RAG1: variants seen among roughly 807,000 people sequenced by gnomAD.
RAG1 encodes recombination activating 1.
Under a neutral mutation model 62.7 loss-of-function variants are expected in RAG1, and 35 were observed. The ratio of observed to expected loss-of-function variants is 0.56; its 90% CI spans 0.43 to 0.74. The LOEUF (loss-of-function observed/expected upper bound fraction) is 0.74. Ranked by LOEUF, RAG1 falls within the 30% of genes least tolerant of loss-of-function variation. RAG1 has a pLI of 0.00. For missense variants in RAG1, 1,169 were observed against 1,278.6 expected, an observed-to-expected ratio of 0.91 and a Z score of 1.31; for synonymous variants, 461 against 470.3, an observed-to-expected ratio of 0.98 and a Z score of 0.26.
At chr11:36,537,925 C>G (rs1860357307), downstream of RAG1, among the ~76,000 whole-genome samples, 1 of 151,990 alleles carries the variant, frequency 6.6e-6, no homozygotes, top group Non-Finnish European at 1.5e-5. Flanking sequence ...TAGATCGTTC[C>G]TCCAGTTTGT....
In RAG1 at chr11:36,512,424, A is replaced by G. The variant is rs5030408; in HGVS notation, n.330+1386A>G. Reference sequence around the variant, plus strand: ...TATTTTAAGCCATTGAGATATTGGGATTGTCTTTTCTGCTGCATAGCTAAG... The same window carrying G: ...TATTTTAAGCCATTGAGATATTGGGGTTGTCTTTTCTGCTGCATAGCTAAG... On this transcript the variant is annotated intron_variant and non_coding_transcript_variant, in intron 1 of 2. Coordinates refer to the RAG1 transcript ENST00000529126. Among the ~76,000 whole-genome samples the G allele has an allele frequency of 4.2e-3, 643 of 152,310 alleles. 3 individuals are homozygous for G. Among genetic ancestry groups the G allele is most frequent in the African/African-American group, 0.015 (623 of 41,560 alleles).
In RAG1 at chr11:36,575,936, A is replaced by T; in HGVS notation, c.2632A>T (p.Arg878Trp). 8 of 1,614,164 alleles carry T rather than the reference A, an allele frequency of 5.0e-6. No homozygotes were observed. Among genetic ancestry groups the T allele is most frequent in the Non-Finnish European group, 6.8e-6 (8 of 1,180,026 alleles). ...AVCELIPSEE[R>W]HEALRELMDL... The stretch of plus-strand genomic sequence containing the variant: ...TTGTGAGTTAATTCCTTCCGAGGAG[A>T]GGCACGAGGCTCTGAGGGAGCTGAT... The change falls in exon 2 of 2, where the codon AGG (arginine) becomes TGG (tryptophan). Residue 878 changes from arginine to tryptophan, a missense_variant. Coordinates refer to ENST00000299440, the MANE Select transcript of RAG1 (RefSeq NM_000448.3). The surrounding 1 kb of genome is among the most constrained non-coding windows in gnomAD (Gnocchi z 4.1).
intron 2 of RAG1, among the ~76,000 whole-genome samples, chr11:36,521,109 G>A (rs1427683498): frequency 6.6e-6 from 1 of 151,890 alleles, no homozygotes; most frequent in Non-Finnish European, 1.5e-5. Flanking sequence ...ACAGGCATGT[G>A]CCACCATGCC....
At chr11:36,564,511 C>T, upstream of RAG1, among the ~76,000 whole-genome samples, 1 of 152,164 alleles carries the variant, frequency 6.6e-6, no homozygotes, top group East Asian at 1.9e-4. Flanking sequence ...TTTCTCATGG[C>T]TTTTTCTGAT....
rs1179121770 is a variant in RAG1, at chr11:36,577,214, A to G, written c.*778A>G. 6.0e-6 allele frequency: 1 copy of G among 166,898 alleles called. No individual in the cohort carries two copies. Among genetic ancestry groups the G allele is most frequent in the Non-Finnish European group, 1.5e-5 (1 of 68,114 alleles). The allele number at this position is 166,898 out of a possible 1,614,324, so 10.3% of individuals were successfully genotyped here. On this transcript the variant is annotated 3_prime_UTR_variant, in exon 2 of 2. Coordinates refer to ENST00000299440, the MANE Select transcript of RAG1 (RefSeq NM_000448.3). ...ATCTTCTGATAATATATGTTTACTTAGCTATCAGAAGCCAAGTATGATTCT... is the reference window on the plus strand; with the variant it reads ...ATCTTCTGATAATATATGTTTACTTGGCTATCAGAAGCCAAGTATGATTCT...
intron 1 of RAG1, among the ~76,000 whole-genome samples, chr11:36,519,764 G>A (rs1218604942): frequency 6.6e-6 from 1 of 152,096 alleles, no homozygotes; most frequent in Non-Finnish European, 1.5e-5. Context: ...AGGATTCTAA[G>A]ATTGAGTATT....
At chr11:36,535,251 T>G (rs1347700906) in intron 2 of RAG1, among the ~76,000 whole-genome samples, 1 of 152,170 alleles carries the variant, frequency 6.6e-6, no homozygotes, top group Non-Finnish European at 1.5e-5. Flanking sequence ...ATGTGATCAA[T>G]TTTTGTAAAT....
In RAG1 at chr11:36,574,568, G is replaced by T. The variant is rs568838996; in HGVS notation, c.1264G>T (p.Ala422Ser). The stretch of plus-strand genomic sequence containing the variant: ...GCTCAAGCTGCAAGTCAAAGCCTTT[G>T]CTGACAAAGAAGAAGGTGGAGATGT... ...RELKLQVKAF[A>S]DKEEGGDVKS... is the part of the protein sequence containing the mutation. Residue 422 changes from alanine (A) to serine (S), a missense_variant, in exon 2 of 2, where the codon GCT becomes TCT. By Grantham distance (99) the Ala-to-Ser change is moderately conservative. Transcript: ENST00000299440. 48 of 1,614,254 alleles carry T rather than the reference G, an allele frequency of 3.0e-5. 1 individual carries two copies. The South Asian group carries it at 4.3e-4, about 14-fold the overall frequency.
chr11:36,511,481 C>G (rs1192785595), intron 1 of RAG1, among the ~76,000 whole-genome samples: 1 of 152,092 alleles, frequency 6.6e-6, no homozygotes, highest in African/African-American at 2.4e-5. Flanking sequence ...ACAAATAAAC[C>G]CAAAACTAGG....
intron 1 of RAG1, among the ~76,000 whole-genome samples, chr11:36,517,593 A>G (rs973159810): frequency 6.6e-6 from 1 of 152,210 alleles, no homozygotes; most frequent in Non-Finnish European, 1.5e-5. Context: ...CACATATAGT[A>G]GGACACATAT....
chr11:36,564,593 A>G (rs918967335), upstream of RAG1, among the ~76,000 whole-genome samples: 3 of 152,380 alleles, frequency 2.0e-5, no homozygotes, highest in Admixed American at 6.5e-5. Flanking sequence ...AGCTAAAATC[A>G]GAAAGCCCGC....
At chr11:36,540,716 G>A (rs1387890203), downstream of RAG1, among the ~76,000 whole-genome samples, 3 of 152,064 alleles carry the variant, frequency 2.0e-5, no homozygotes, top group Non-Finnish European at 4.4e-5. Context: ...TCTTTTCTTC[G>A]TTTTTTAAAA....
Position 36,574,320 on chromosome 11 carries a change from A to G in RAG1, c.1016A>G (p.Asp339Gly). The G allele has an allele frequency of 6.2e-7, 1 of 1,614,150 alleles. No individual in the cohort carries two copies. The highest frequency in any genetic ancestry group is 8.5e-7 in the Non-Finnish European group (1 of 1,180,026). The change falls in exon 2 of 2, where the codon GAC becomes GGC. Residue 339 changes from aspartate (D) to glycine (G), a missense_variant. Transcript: ENST00000299440. Reference protein sequence around the residue: ...PSCRYPCFPTDLESPVKSFLS... With the variant: ...PSCRYPCFPTGLESPVKSFLS... ...TGCCGATATCCATGCTTCCCTACTG[A>G]CCTGGAGAGTCCAGTGAAGTCCTTT...
At chr11:36,539,788 T>C (rs1860387731), downstream of RAG1, among the ~76,000 whole-genome samples, 1 of 152,204 alleles carries the variant, frequency 6.6e-6, no homozygotes, top group Non-Finnish European at 1.5e-5. Flanking sequence ...CCAGTTTTTA[T>C]TACTAATATC....
At chr11:36,528,811 A>G (rs1203324043) in intron 2 of RAG1, among the ~76,000 whole-genome samples, 2 of 152,156 alleles carry the variant, frequency 1.3e-5, no homozygotes, top group Non-Finnish European at 2.9e-5. Context: ...GATAAAGGGG[A>G]TATCACCACC....
Position 36,577,280 on chromosome 11 carries a change from A to G in RAG1, c.*844A>G, listed in dbSNP as rs1184301697. ...CATTTCAAGAAATTTAGAGTTTCCA[A>G]ATTTAGAGCTTCTGCATACAGTCTT... On this transcript the variant is annotated 3_prime_UTR_variant, in exon 2 of 2. Transcript: ENST00000299440. The G allele has an allele frequency of 6.0e-6, 1 of 167,064 alleles. No individual in the cohort carries two copies. The allele number at this position is 167,064 out of a possible 1,614,324, so 10.3% of individuals were successfully genotyped here.
chr11:36,559,069 A>T (rs1334314854), intron 3 of RAG1, among the ~76,000 whole-genome samples: 1 of 152,080 alleles, frequency 6.6e-6, no homozygotes, highest in Non-Finnish European at 1.5e-5. Flanking sequence ...TCTGGGAAAG[A>T]CTTTGTTTCT....
chr11:36,511,395 A>G (rs1234109472), intron 1 of RAG1, among the ~76,000 whole-genome samples: 1 of 152,192 alleles, frequency 6.6e-6, no homozygotes, highest in Non-Finnish European at 1.5e-5. Context: ...TCAAGGCTAC[A>G]GTAAGCCATG....
chr11:36,532,484 T>TTATTAAATTTG, intron 2 of RAG1, among the ~76,000 whole-genome samples: 1 of 152,216 alleles, frequency 6.6e-6, no homozygotes, highest in Non-Finnish European at 1.5e-5. Context: ...AATAACTTCA[T>TTATTAAATTTG]CTATGACAGT....
Sources: gnomAD v4.1 joint callset for allele counts (sites outside exome capture counted in the v4.1 genomes callset) on GRCh38, gnomAD v4.1.1 for gene constraint, Gnocchi (gnomAD v3.1) non-coding constraint, MANE v1.5 for transcripts, NCBI Gene and HGNC (gene_info 2026-07-23, HGNC 2026-07-21) for gene names.